The following SPOCK3 variants were observed in gnomAD, a reference collection of about 807,000 sequenced individuals.
The protein encoded by SPOCK3 is SPARC (osteonectin), cwcv and kazal like domains proteoglycan 3.
SPOCK3 carries 30 observed loss-of-function variants against 56.6 expected under a neutral mutation model. The observed-to-expected ratio is 0.53, with a 90% CI of 0.40 to 0.72. The LOEUF is 0.72. SPOCK3 is among the 30% of genes least tolerant of loss of function. SPOCK3 has a pLI of 0.00. For synonymous variants in SPOCK3, 196 were observed against 183.3 expected (o/e 1.07, Z -0.56); for missense variants, 527 against 530.0 (o/e 0.99, Z 0.06).
intron 10 of SPOCK3, among the ~76,000 whole-genome samples, chr4:166,735,296 C>T (rs1469205559): frequency 1.3e-5 from 2 of 151,866 alleles, no homozygotes; most frequent in Non-Finnish European, 2.9e-5. Context: ...GTGCTAAAAG[C>T]AGAATCATTA....
intron 5 of SPOCK3, among the ~76,000 whole-genome samples, chr4:166,894,796 C>T (rs879562528): frequency 6.6e-6 from 1 of 152,138 alleles, no homozygotes; most frequent in African/African-American, 2.4e-5. Flanking sequence ...TCCTCTGGAC[C>T]AGTATATCTC....
intron 7 of SPOCK3, among the ~76,000 whole-genome samples, chr4:166,765,962 G>T (rs1171973208): frequency 6.6e-6 from 1 of 152,006 alleles, no homozygotes; most frequent in Non-Finnish European, 1.5e-5. Flanking sequence ...ATGAATGGGA[G>T]TTCACTCATG....
At chr4:166,814,489 G>A (rs1744186750) in intron 6 of SPOCK3, among the ~76,000 whole-genome samples, 1 of 152,084 alleles carries the variant, frequency 6.6e-6, no homozygotes, top group Non-Finnish European at 1.5e-5. Flanking sequence ...GAACAAAGCA[G>A]GTAGGAAAAG....
intron 7 of SPOCK3, among the ~76,000 whole-genome samples, chr4:166,788,338 A>G (rs539127367): frequency 6.6e-6 from 1 of 152,312 alleles, no homozygotes; most frequent in East Asian, 1.9e-4. Flanking sequence ...GCAATTTAAA[A>G]TGTTAGAGGT....
intron 2 of SPOCK3, among the ~76,000 whole-genome samples, chr4:167,226,751 G>A (rs569216802): frequency 1.3e-5 from 2 of 152,126 alleles, no homozygotes; most frequent in Admixed American, 6.5e-5. Context: ...TCTCTTAAAC[G>A]CCTCCTGTTA....
intron 4 of SPOCK3, among the ~76,000 whole-genome samples, chr4:166,994,317 G>A (rs1748124959): frequency 6.6e-6 from 1 of 152,150 alleles, no homozygotes; most frequent in Admixed American, 6.6e-5. Context: ...CCATTTGTAT[G>A]ATACCTACTT....
chr4:166,851,713 T>C (rs1730111379), intron 6 of SPOCK3, among the ~76,000 whole-genome samples: 1 of 151,982 alleles, frequency 6.6e-6, no homozygotes. Context: ...TGTAAACTAG[T>C]TCAACCATTG....
At chr4:166,979,229 T>C (rs1186535451) in intron 4 of SPOCK3, among the ~76,000 whole-genome samples, 1 of 152,100 alleles carries the variant, frequency 6.6e-6, no homozygotes, top group Non-Finnish European at 1.5e-5. Flanking sequence ...TAAGCCCCTA[T>C]ACACACATCC....
chr4:166,889,460 T>C (rs1734539357), intron 5 of SPOCK3, among the ~76,000 whole-genome samples: 1 of 151,958 alleles, frequency 6.6e-6, no homozygotes, highest in Non-Finnish European at 1.5e-5. Flanking sequence ...TTGGGTATCA[T>C]TTTGGTGAAC....
At position 166,846,631 on chromosome 4, in the gene SPOCK3, C is replaced by T. The variant is rs577507553; in HGVS notation, c.589+42499G>A. On this transcript the variant is annotated intron_variant, in intron 6 of 10. Coordinates refer to ENST00000357545, the MANE Select transcript of SPOCK3 (RefSeq NM_001040159.2). Reference sequence around the variant, plus strand: ...GCCTGTTTTTATTTTTGGACATTAGCTCACTTTAATTCACATACCTGAAAT... The same window carrying T: ...GCCTGTTTTTATTTTTGGACATTAGTTCACTTTAATTCACATACCTGAAAT... Among the ~76,000 whole-genome samples the T allele has an allele frequency of 4.6e-5, 7 of 152,094 alleles. No homozygotes were observed. In the South Asian group the frequency reaches 1.2e-3, roughly 27 times the overall value.
chr4:166,994,330 C>T (rs1379608687), intron 4 of SPOCK3, among the ~76,000 whole-genome samples: 1 of 152,146 alleles, frequency 6.6e-6, no homozygotes, highest in Non-Finnish European at 1.5e-5. Context: ...ACCTACTTTA[C>T]AGCAGAAAAA....
intron 2 of SPOCK3, chr4:167,062,773 C>T (rs1755738887): frequency 2.1e-6 from 1 of 483,262 alleles, no homozygotes; most frequent in East Asian, 3.2e-5. Flanking sequence ...TTTCAATAAA[C>T]CTGTTCATTT....
At chr4:166,955,598 A>C (rs1029851496) in intron 4 of SPOCK3, among the ~76,000 whole-genome samples, 5 of 145,712 alleles carry the variant, frequency 3.4e-5, no homozygotes, top group African/African-American at 9.9e-5. Flanking sequence ...TAAATTTAAT[A>C]TAATCAAATT....
intron 4 of SPOCK3, among the ~76,000 whole-genome samples, chr4:166,952,311 C>T (rs1742755328): frequency 6.6e-6 from 1 of 152,088 alleles, no homozygotes; most frequent in South Asian, 2.1e-4. Flanking sequence ...AGAGCCAAAT[C>T]GTGAGTGAAC....
Position 166,742,060 on chromosome 4 carries a change from C to T in SPOCK3, c.932-1G>A, listed in dbSNP as rs866848391. 1 of 1,610,118 alleles carries T rather than the reference C, an allele frequency of 6.2e-7. No homozygotes were observed. ...CTGAGCTCAGTCTGGCAAGGTGGGT[C>T]TGCAATGACATTAAAAATGTTACTT... On this transcript the variant is annotated splice_acceptor_variant, in intron 8 of 10. Coordinates refer to ENST00000357545, the MANE Select transcript of SPOCK3 (RefSeq NM_001040159.2). LOFTEE classifies it high-confidence loss of function.
chr4:167,110,692 T>C (rs1760830387), intron 2 of SPOCK3, among the ~76,000 whole-genome samples: 1 of 152,048 alleles, frequency 6.6e-6, no homozygotes, highest in Non-Finnish European at 1.5e-5. Context: ...ATAAACATTT[T>C]ATGGATAAAT....
chr4:167,107,712 A>T (rs1035253015), intron 2 of SPOCK3, among the ~76,000 whole-genome samples: 1 of 151,914 alleles, frequency 6.6e-6, no homozygotes, highest in Non-Finnish European at 1.5e-5. Context: ...ACTTAAAGAC[A>T]TCACAAAAAA....
chr4:167,177,217 A>G (rs761662073), intron 2 of SPOCK3, among the ~76,000 whole-genome samples: 11 of 152,052 alleles, frequency 7.2e-5, no homozygotes, highest in South Asian at 2.1e-4. Flanking sequence ...GAGGATGGCA[A>G]TTCTTCAGGA....
chr4:166,938,207 A>G lies in SPOCK3; in HGVS notation c.351-25464T>C, dbSNP rs145369508. On this transcript the variant is annotated intron_variant, in intron 4 of 10. Coordinates refer to ENST00000357545, the MANE Select transcript of SPOCK3 (RefSeq NM_001040159.2). Reference sequence around the variant, plus strand: ...GGGAATCCTCTCAAGTAGTTAAAGGATTGCTAAGCTATAAATTAATACAAA... The same window carrying G: ...GGGAATCCTCTCAAGTAGTTAAAGGGTTGCTAAGCTATAAATTAATACAAA... Among the ~76,000 whole-genome samples the G allele has an allele frequency of 2.7e-4, 41 of 152,084 alleles. 1 individual carries two copies. In the East Asian group the frequency reaches 7.3e-3, roughly 27 times the overall value.
Sources: gnomAD v4.1 joint callset for allele counts (sites outside exome capture counted in the v4.1 genomes callset) on GRCh38, gnomAD v4.1.1 for gene constraint, MANE v1.5 for transcripts, NCBI Gene and HGNC (gene_info 2026-07-23, HGNC 2026-07-21) for gene names.